The following NAGK variants were observed in gnomAD, a reference collection of about 807,000 sequenced individuals.
NAGK encodes N-acetyl-D-glucosamine kinase.
NAGK carries 35 observed loss-of-function variants against 42.9 expected under a neutral mutation model. That is an observed-to-expected ratio of 0.82 (90% CI 0.62 to 1.08). The LOEUF is 1.08. Ranked by LOEUF, NAGK falls within the 50% of genes least tolerant of loss-of-function variation. The pLI is 0.00. For missense variants in NAGK, 446 were observed against 446.0 expected, an observed-to-expected ratio of 1.00 and a Z score of 0.00; for synonymous variants, 172 against 176.0, an observed-to-expected ratio of 0.98 and a Z score of 0.18.
rs762837386 is a variant in NAGK at position 71,072,719 on chromosome 2, G to T, written c.434G>T (p.Gly145Val). The T allele has an allele frequency of 6.2e-6, 10 of 1,614,012 alleles. No individual in the cohort carries two copies. The highest frequency in any genetic ancestry group is 8.5e-6 in the Non-Finnish European group (10 of 1,179,942). Residue 145 changes from glycine to valine, a missense_variant, in exon 5 of 10, where the codon GGC (glycine) becomes GTC (valine). Transcript: ENST00000244204. ...GATGGCTCCGAGAGTGGCTGCGGCGGCTGGGGCCATATGATGGGTGATGAG... is the reference window on the plus strand; with the variant it reads ...GATGGCTCCGAGAGTGGCTGCGGCGTCTGGGGCCATATGATGGGTGATGAG... ...NPDGSESGCGGWGHMMGDEGS... is the reference protein window; with the variant it reads ...NPDGSESGCGVWGHMMGDEGS...
intron 4 of NAGK, 67 bp downstream of exon 4, chr2:71,071,894 T>C: frequency 1.3e-6 from 2 of 1,573,440 alleles, no homozygotes; most frequent in South Asian, 1.1e-5. Context: ...TAGATATAGC[T>C]GACAAAACTT....
At chr2:71,077,428 G>T in intron 8 of NAGK, 130 bp from the exon 9 acceptor site, 5 of 787,480 alleles carry the variant, frequency 6.3e-6, no homozygotes, top group Non-Finnish European at 8.2e-6. Context: ...CCCCTTTCCT[G>T]AGTCTGTCTA....
At chr2:71,076,790 C>A in intron 8 of NAGK, 89 bp downstream of exon 8, 2 of 1,065,402 alleles carry the variant, frequency 1.9e-6, no homozygotes, top group Non-Finnish European at 1.4e-6. Flanking sequence ...TCAAACCCTG[C>A]ATAGATTGGA....
Position 71,079,717 on chromosome 2 carries a change from G to A in NAGK, c.*1209G>A, listed in dbSNP as rs1351148941. ...GAATGGCATGAACCCAGGAGGTGGA[G>A]CTTGCAGTGAGCCGAGGTCGCACCA... On this transcript the variant is annotated 3_prime_UTR_variant, in exon 10 of 10. Transcript: ENST00000244204. 6.6e-6 allele frequency: 1 copy of A among 152,230 alleles called. No homozygotes were observed. Among genetic ancestry groups the A allele is most frequent in the African/African-American group, 2.4e-5 (1 of 41,448 alleles). 9.4% of individuals were successfully genotyped at this position (152,230 alleles called of 1,614,324 possible).
chr2:71,068,540 C>G (rs952448268), upstream of NAGK: 1 of 1,471,250 alleles, frequency 6.8e-7, no homozygotes. Context: ...GCGCCCCGCC[C>G]CGCGCATGCG....
In NAGK at chr2:71,076,671, C is replaced by T. The variant is rs773210634; in HGVS notation, c.735C>T (p.His245=). 3 of 1,613,836 alleles carry T rather than the reference C, an allele frequency of 1.9e-6. No homozygotes were observed. The African/African-American group carries it at 4.0e-5, about 22-fold the overall frequency. ...AGGCTGGGGAGATGCTGGGCAGACA[C>T]ATCGTAGCAGTGTTGCCCGAGATTG... ...FRKAGEMLGR[H]IVAVLPEIDP... Residue 245 remains histidine (H), a synonymous_variant, in exon 8 of 10, where the codon CAC becomes CAT. Transcript: ENST00000244204.
intron 5 of NAGK, chr2:71,073,088 GA>G (rs1358149586): frequency 2.2e-6 from 1 of 453,270 alleles, no homozygotes; most frequent in African/African-American, 2.0e-5. Context: ...TCTGCTAGGG[GA>G]AAGGGTGTAG....
chr2:71,075,271 T>C, intron 6 of NAGK: 1 of 282,602 alleles, frequency 3.5e-6, no homozygotes, highest in Non-Finnish European at 6.6e-6. Flanking sequence ...AAAAAAAAAA[T>C]TACAAAAAAA....
At position 71,076,638 on chromosome 2, in the gene NAGK, C is replaced by T; in HGVS notation, c.702C>T (p.Ile234=). 2 of 1,613,892 alleles carry T rather than the reference C, an allele frequency of 1.2e-6. No homozygotes were observed. Among genetic ancestry groups the T allele is most frequent in the Non-Finnish European group, 1.7e-6 (2 of 1,179,858 alleles). Residue 234 remains isoleucine (I), a synonymous_variant, in exon 8 of 10, where the codon ATC becomes ATT. Transcript: ENST00000244204. The part of the protein sequence containing the change: ...AQQGDPLSRY[I]FRKAGEMLGR... ...AGGGAGACCCCCTTTCCCGCTATAT[C>T]TTCAGGAAGGCTGGGGAGATGCTGG...
chr2:71,073,324 A>ACCCCCCCCC, intron 5 of NAGK, 158 bp from the exon 6 acceptor site: 2 of 188,392 alleles, frequency 1.1e-5, no homozygotes. Context: ...AGACCCTCCC[A>ACCCCCCCCC]CCCCCCTCTC....
At chr2:71,070,930 G>T in intron 3 of NAGK, 91 bp downstream of exon 3, 7 of 1,291,832 alleles carry the variant, frequency 5.4e-6, no homozygotes, top group Non-Finnish European at 7.8e-6. Context: ...GACTGCAGAG[G>T]GAAAGACCTC....
intron 8 of NAGK, among the ~76,000 whole-genome samples, 192 bp downstream of exon 8, chr2:71,076,893 G>T (rs2103719411): frequency 6.6e-6 from 1 of 152,258 alleles, no homozygotes; most frequent in East Asian, 1.9e-4. Context: ...TCTGTAATTG[G>T]CCTGTAATCT....
intron 4 of NAGK, chr2:71,072,309 A>AT (rs745793452): frequency 1.2e-5 from 4 of 329,634 alleles, no homozygotes; most frequent in African/African-American, 2.1e-5. Context: ...GTATGAGTGA[A>AT]TATCACTGTG....
At chr2:71,075,748 C>A in intron 7 of NAGK, 106 bp downstream of exon 7, 2 of 1,109,284 alleles carry the variant, frequency 1.8e-6, no homozygotes, top group African/African-American at 1.5e-5. Flanking sequence ...TTCCTCTCAC[C>A]AAGTGACCTC....
rs1671882416 is a variant in NAGK, at chr2:71,068,712, G to A, written c.29G>A (p.Gly10Glu). ...GCCGCGATCTATGGGGGTGTAGAGG[G>A]GTGAGTGCGGCCCGGCGGAGGGAGC... is the stretch of plus-strand genomic sequence containing the variant. MAAIYGGVE[G>E]GGTRSEVLLV... Residue 10 changes from glycine to glutamate, a missense_variant and splice_region_variant, in exon 1 of 10, where the codon GGG becomes GAG. Transcript: ENST00000244204. 2.0e-6 allele frequency: 3 copies of A among 1,474,726 alleles called. No homozygotes were observed. The highest frequency in any genetic ancestry group is 5.7e-5 in the Admixed American group (2 of 34,854). The allele number at this position is 1,474,726 out of a possible 1,614,324, so 91.4% of individuals were successfully genotyped here. A position where few individuals can be genotyped will look rare whatever the true frequency, so the allele number is the denominator to read the frequency against.
At chr2:71,068,792 TGATCCTCGGCGTCC>T in intron 1 of NAGK, 80 bp downstream of exon 1, 1 of 1,424,996 alleles carries the variant, frequency 7.0e-7, no homozygotes, top group Non-Finnish European at 9.2e-7. Context: ...CTGGTGGCCT[TGATCCTCGGCGTCC>T]GGGCACTTTG....
intron 8 of NAGK, 74 bp from the exon 9 acceptor site, chr2:71,077,484 T>A (rs1433666437): frequency 6.9e-7 from 1 of 1,444,516 alleles, no homozygotes; most frequent in Non-Finnish European, 9.5e-7. Flanking sequence ...AGTGGGTTGG[T>A]CATAGGAAAC....
chr2:71,068,945 T>G, intron 1 of NAGK: 1 of 1,276,610 alleles, frequency 7.8e-7, no homozygotes. Flanking sequence ...TTTGTGTTTC[T>G]TGGCGGAACC....
In NAGK at chr2:71,075,539, C is replaced by T; in HGVS notation, c.580-16C>T. On this transcript the variant is annotated splice_polypyrimidine_tract_variant and intron_variant, in intron 6 of 9. Coordinates refer to ENST00000244204, the MANE Select transcript of NAGK (RefSeq NM_017567.6). ...CTTTGCTTCTGATGACTCTCTTGTG[C>T]CCTTTCTCCTCTCAGGTGCCAGATC... 3.1e-6 allele frequency: 5 copies of T among 1,595,586 alleles called. No individual in the cohort carries two copies. The highest frequency in any genetic ancestry group is 4.3e-6 in the Non-Finnish European group (5 of 1,163,430).
Sources: gnomAD v4.1 joint callset for allele counts (sites outside exome capture counted in the v4.1 genomes callset) on GRCh38, gnomAD v4.1.1 for gene constraint, MANE v1.5 for transcripts, NCBI Gene and HGNC (gene_info 2026-07-23, HGNC 2026-07-21) for gene names.